Variants in C6orf89 observed in about 807,000 individuals in gnomAD.
C6orf89 encodes bombesin receptor-activated protein C6orf89.
In C6orf89, 29 loss-of-function variants were observed where a neutral mutation model predicts 40.7. The observed-to-expected ratio is 0.71, with a 90% CI of 0.53 to 0.97. The LOEUF (loss-of-function observed/expected upper bound fraction) is 0.97, where lower values mean the gene tolerates loss of function less well. Ranked by LOEUF, C6orf89 falls within the 50% of genes least tolerant of loss-of-function variation. The pLI, the probability that C6orf89 is intolerant of heterozygous loss-of-function variation, is 0.00. For missense variants in C6orf89, 392 were observed against 429.1 expected (o/e 0.91, Z 0.76); for synonymous variants, 165 against 152.2 (o/e 1.08, Z -0.62).
chr6:36,882,499 T>C (rs1455063702), upstream of C6orf89, among the ~76,000 whole-genome samples: 1 of 152,204 alleles, frequency 6.6e-6, no homozygotes, highest in African/African-American at 2.4e-5. Context: ...CTTGTCCTTC[T>C]TGAGTCCTTA....
At chr6:36,881,785 C>T (rs573606866), upstream of C6orf89, among the ~76,000 whole-genome samples, 1 of 151,748 alleles carries the variant, frequency 6.6e-6, no homozygotes, top group Admixed American at 6.6e-5. Context: ...ATAAATGGGA[C>T]ATTGGAATAA....
At chr6:36,921,395 A>T (rs1464318627) in intron 8 of C6orf89, among the ~76,000 whole-genome samples, 1 of 152,166 alleles carries the variant, frequency 6.6e-6, no homozygotes, top group Non-Finnish European at 1.5e-5. Flanking sequence ...GACCCTTAAG[A>T]ATGGCACCAT....
chr6:36,885,423 T>C (rs1774937777), upstream of C6orf89, among the ~76,000 whole-genome samples: 1 of 152,238 alleles, frequency 6.6e-6, no homozygotes, highest in Admixed American at 6.5e-5. Context: ...GGGGGTTGCC[T>C]GATTCGTGAA....
chr6:36,920,933 C>T (rs1330178391), intron 8 of C6orf89, among the ~76,000 whole-genome samples: 1 of 151,862 alleles, frequency 6.6e-6, no homozygotes, highest in Non-Finnish European at 1.5e-5. Context: ...AGACTTCCGG[C>T]TCCCACGAGC....
At chr6:36,916,774 C>T (rs1020313878) in intron 7 of C6orf89, among the ~76,000 whole-genome samples, 200 bp downstream of exon 7, 4 of 152,188 alleles carry the variant, frequency 2.6e-5, no homozygotes, top group Admixed American at 6.5e-5. Context: ...GGCAGGTTTC[C>T]AGAAAATCTA....
chr6:36,873,910 G>A (rs140553187), intron 1 of C6orf89, among the ~76,000 whole-genome samples: 11 of 152,312 alleles, frequency 7.2e-5, no homozygotes, highest in East Asian at 5.8e-4. Flanking sequence ...TGTTATAGCA[G>A]CAAGACGTTA....
chr6:36,879,963 T>C (rs954649517), intron 2 of C6orf89, among the ~76,000 whole-genome samples: 8 of 152,254 alleles, frequency 5.3e-5, no homozygotes, highest in Non-Finnish European at 1.0e-4. Context: ...AGTAGACTGC[T>C]CTGTGCTGTG....
intron 1 of C6orf89, chr6:36,874,935 G>A (rs1774611702): frequency 1.4e-6 from 1 of 718,602 alleles, no homozygotes; most frequent in Non-Finnish European, 2.3e-6. Context: ...CCAATGCCGG[G>A]AAGCTGGGGT....
In C6orf89 at chr6:36,927,666, G is replaced by T. The variant is rs1357308547; in HGVS notation, c.*4225G>T. The T allele has an allele frequency of 6.6e-6, 1 of 152,210 alleles. No homozygotes were observed. 9.4% of individuals were successfully genotyped at this position (152,210 alleles called of 1,614,324 possible). ...GATATGCTTTAAAGTTGTACTTTAG[G>T]CTGAAATTCTCTCTGTATTTGGACC... On this transcript the variant is annotated 3_prime_UTR_variant, in exon 9 of 9. Coordinates refer to ENST00000480824, the MANE Select transcript of C6orf89 (RefSeq NM_001286635.2).
intron 1 of C6orf89, among the ~76,000 whole-genome samples, chr6:36,889,262 G>A (rs116153666): frequency 1.3e-3 from 201 of 152,344 alleles, no homozygotes; most frequent in Non-Finnish European, 2.3e-3. Context: ...TTCGAACTTG[G>A]CGTTTAGAAA....
chr6:36,916,748 C>T (rs1297732357), intron 7 of C6orf89, among the ~76,000 whole-genome samples, 174 bp downstream of exon 7: 2 of 152,164 alleles, frequency 1.3e-5, no homozygotes, highest in Admixed American at 6.5e-5. Context: ...CTTGCAGGGG[C>T]CCACCTTGTC....
In C6orf89 at chr6:36,923,611, C is replaced by T. The variant is rs757424011; in HGVS notation, c.*170C>T. 18 of 669,036 alleles carry T rather than the reference C, an allele frequency of 2.7e-5. No homozygotes were observed. The highest frequency in any genetic ancestry group is 2.5e-4 in the South Asian group (16 of 64,686). 41.4% of individuals were successfully genotyped at this position (669,036 alleles called of 1,614,324 possible). A position where few individuals can be genotyped will look rare whatever the true frequency, so the allele number is the denominator to read the frequency against. On this transcript the variant is annotated 3_prime_UTR_variant, in exon 9 of 9. Transcript: ENST00000480824. ...AGCTGCAAGGCAGTGGCCAGAGCCT[C>T]GCCCTCCTGACTCTTCCTGCAGGTG...
chr6:36,907,300 G>GTTTT (rs1229224467), intron 4 of C6orf89, among the ~76,000 whole-genome samples: 2 of 151,988 alleles, frequency 1.3e-5, no homozygotes, highest in African/African-American at 4.8e-5. Context: ...GTTTTGTTTT[G>GTTTT]TTTTGTTTTG....
chr6:36,903,062 A>G (rs1381018710), intron 4 of C6orf89, among the ~76,000 whole-genome samples: 1 of 140,860 alleles, frequency 7.1e-6, no homozygotes, highest in Non-Finnish European at 1.6e-5. Context: ...TCCTTTTGAG[A>G]ACAGTGTTAA....
chr6:36,915,467 C>T (rs890935703), intron 6 of C6orf89, among the ~76,000 whole-genome samples: 7 of 152,066 alleles, frequency 4.6e-5, no homozygotes, highest in Non-Finnish European at 8.8e-5. Flanking sequence ...AGTAGCTAGG[C>T]GTGGTGGCTC....
At chr6:36,884,883 T>C (rs1282002854), upstream of C6orf89, among the ~76,000 whole-genome samples, 1 of 152,212 alleles carries the variant, frequency 6.6e-6, no homozygotes, top group Non-Finnish European at 1.5e-5. The surrounding 1 kb of genome is among the most constrained non-coding windows in gnomAD (Gnocchi z 4.0). Context: ...TAAACAGATG[T>C]TTCAGAATAA....
chr6:36,911,468 C>T lies in C6orf89; in HGVS notation c.404-2816C>T, dbSNP rs142565790. 3.9e-3 allele frequency among the ~76,000 whole-genome samples: 589 copies of T among 151,934 alleles called. 1 individual carries two copies. The highest frequency in any genetic ancestry group is 0.013 in the African/African-American group (556 of 41,440). On this transcript the variant is annotated intron_variant, in intron 4 of 8. Coordinates refer to ENST00000480824, the MANE Select transcript of C6orf89 (RefSeq NM_001286635.2). The stretch of plus-strand genomic sequence containing the variant: ...TCGCGCCACTGCACTCCAGCCTGGG[C>T]GACAGAGCTAGACTCCATCTCCAAA...
intron 1 of C6orf89, among the ~76,000 whole-genome samples, chr6:36,890,492 G>A (rs1346142275): frequency 6.6e-6 from 1 of 151,858 alleles, no homozygotes; most frequent in Non-Finnish European, 1.5e-5. Flanking sequence ...TCTTTTTTAA[G>A]GCTGAATAAT....
chr6:36,886,791 C>A (rs1360316182), intron 1 of C6orf89, among the ~76,000 whole-genome samples: 1 of 152,338 alleles, frequency 6.6e-6, no homozygotes, highest in South Asian at 2.1e-4. Flanking sequence ...CTATAGACGT[C>A]TCTCCCTTAA....
Sources: gnomAD v4.1 joint callset for allele counts (sites outside exome capture counted in the v4.1 genomes callset) on GRCh38, gnomAD v4.1.1 for gene constraint, Gnocchi (gnomAD v3.1) non-coding constraint, MANE v1.5 for transcripts, NCBI Gene and HGNC (gene_info 2026-07-23, HGNC 2026-07-21) for gene names.